Variants in C7orf78 observed in about 807,000 individuals in gnomAD.
C7orf78 encodes the protein putative uncharacterized protein C7orf78.
the C7orf78 span, chr7:12,505,869 T>C: frequency 6.6e-6 from 1 of 152,210 alleles, no homozygotes; most frequent in Admixed American, 6.5e-5. Flanking sequence ...CTGTGATTTA[T>C]ATACAATAGA....
the C7orf78 span, among the ~76,000 whole-genome samples, chr7:12,518,599 C>T: frequency 6.6e-6 from 1 of 152,216 alleles, no homozygotes; most frequent in African/African-American, 2.4e-5. Flanking sequence ...GGCCCATCTT[C>T]AGGTTCCTAG....
At chr7:12,521,151 C>G in the C7orf78 span, among the ~76,000 whole-genome samples, 4 of 152,124 alleles carry the variant, frequency 2.6e-5, no homozygotes, top group African/African-American at 9.6e-5. Context: ...ATAATTGAGT[C>G]CTTTTTTAAT....
chr7:12,532,301 A>G, the C7orf78 span, among the ~76,000 whole-genome samples: 2 of 152,094 alleles, frequency 1.3e-5, no homozygotes, highest in South Asian at 2.1e-4. Flanking sequence ...TGTAATCCCA[A>G]CACTTTGGGA....
the C7orf78 span, among the ~76,000 whole-genome samples, chr7:12,514,276 C>T: frequency 1.3e-5 from 2 of 152,068 alleles, no homozygotes; most frequent in Non-Finnish European, 2.9e-5. Flanking sequence ...TCTTGCTGAA[C>T]TAATTCCCCT....
chr7:12,500,351 A>C, the C7orf78 span, among the ~76,000 whole-genome samples: 1 of 151,438 alleles, frequency 6.6e-6, no homozygotes, highest in Non-Finnish European at 1.5e-5. Context: ...GTAAAGAAAA[A>C]AAGAGAGAAG....
the C7orf78 span, among the ~76,000 whole-genome samples, chr7:12,484,569 G>A: frequency 2.0e-5 from 3 of 151,932 alleles, no homozygotes; most frequent in South Asian, 4.2e-4. Context: ...TTATAATGTC[G>A]CAATTTGTAT....
the C7orf78 span, among the ~76,000 whole-genome samples, chr7:12,519,188 T>C: frequency 2.0e-5 from 3 of 152,050 alleles, no homozygotes; most frequent in Admixed American, 6.6e-5. Context: ...CTCAGACTTA[T>C]TTGCTCTTGG....
chr7:12,521,445 T>C, the C7orf78 span, among the ~76,000 whole-genome samples: 1 of 152,048 alleles, frequency 6.6e-6, no homozygotes, highest in African/African-American at 2.4e-5. Context: ...CTACCCATTA[T>C]ATGACCTTCT....
At chr7:12,521,178 C>T in the C7orf78 span, among the ~76,000 whole-genome samples, 6 of 152,102 alleles carry the variant, frequency 3.9e-5, no homozygotes, top group African/African-American at 4.8e-5. Context: ...AGTCAATCTA[C>T]GTTTTTTAAT....
At chr7:12,505,155 G>GA in the C7orf78 span, among the ~76,000 whole-genome samples, 1 of 151,884 alleles carries the variant, frequency 6.6e-6, no homozygotes, top group East Asian at 1.9e-4. Context: ...TCTTTATTTA[G>GA]AAAAAAATAT....
the C7orf78 span, among the ~76,000 whole-genome samples, chr7:12,520,146 C>T: frequency 2.5e-3 from 382 of 152,358 alleles, 3 homozygotes; most frequent in African/African-American, 8.5e-3. Context: ...GGCTCACAGC[C>T]AATCTTGGCC....
At chr7:12,489,352 A>G in the C7orf78 span, among the ~76,000 whole-genome samples, 1 of 152,138 alleles carries the variant, frequency 6.6e-6, no homozygotes, top group African/African-American at 2.4e-5. Flanking sequence ...CATTCATAAT[A>G]AAACATTAAC....
the C7orf78 span, among the ~76,000 whole-genome samples, chr7:12,532,344 T>C: frequency 2.1e-4 from 32 of 152,090 alleles, no homozygotes; most frequent in Admixed American, 7.9e-4. Flanking sequence ...GGTCTGGAGT[T>C]CGAGACCAGC....
chr7:12,486,467 T>C, the C7orf78 span, among the ~76,000 whole-genome samples: 1 of 151,952 alleles, frequency 6.6e-6, no homozygotes, highest in Non-Finnish European at 1.5e-5. Context: ...ATGCTAACAA[T>C]ACAAGGTCAA....
At chr7:12,515,791 G>T in the C7orf78 span, among the ~76,000 whole-genome samples, 3 of 152,132 alleles carry the variant, frequency 2.0e-5, no homozygotes, top group Non-Finnish European at 4.4e-5. Context: ...TTTTGCTCCT[G>T]CCCTAGAGAT....
chr7:12,495,707 T>A, the C7orf78 span, among the ~76,000 whole-genome samples: 1 of 152,210 alleles, frequency 6.6e-6, no homozygotes, highest in Non-Finnish European at 1.5e-5. Flanking sequence ...CTTTTTTAAC[T>A]TATAGAATAT....
chr7:12,493,557 A>C, the C7orf78 span, among the ~76,000 whole-genome samples: 295 of 152,200 alleles, frequency 1.9e-3, 2 homozygotes, highest in Non-Finnish European at 3.3e-3. Flanking sequence ...TTCCAATGAT[A>C]CTCATGCTCT....
At chr7:12,540,022 A>G in the C7orf78 span, among the ~76,000 whole-genome samples, 4 of 152,230 alleles carry the variant, frequency 2.6e-5, no homozygotes, top group African/African-American at 9.6e-5. Flanking sequence ...GTCAATTTCT[A>G]TGTGTATCAA....
At chr7:12,485,376 G>A in the C7orf78 span, among the ~76,000 whole-genome samples, 31 of 238 alleles carry the variant, frequency 0.13, no homozygotes, top group African/African-American at 0.22. Flanking sequence ...CTAATTGCCT[G>A]AAATCCAAAT....
Sources: allele counts gnomAD v4.1 joint callset (sites outside exome capture counted in the v4.1 genomes callset), GRCh38; gene constraint gnomAD v4.1.1; transcripts MANE v1.5; gene names NCBI Gene and HGNC (gene_info 2026-07-23, HGNC 2026-07-21).